Variants in PABPC1L observed in about 807,000 individuals in gnomAD.
PABPC1L encodes the protein polyadenylate-binding protein 1-like.
A neutral mutation model predicts 66.6 loss-of-function variants in PABPC1L; 31 were observed. That is an observed-to-expected ratio of 0.47 (90% CI 0.35 to 0.63). The LOEUF (loss-of-function observed/expected upper bound fraction) is 0.63, where lower values mean the gene tolerates loss of function less well. Among genes scored for constraint, PABPC1L ranks in the 20% least tolerant of loss-of-function variants. The pLI is 0.00. For synonymous variants in PABPC1L, 348 were observed against 335.1 expected (o/e 1.04, Z -0.42); for missense variants, 722 against 848.8 (o/e 0.85, Z 1.86).
Position 44,938,673 on chromosome 20 carries a change from G to C in PABPC1L, c.1792-1G>C. On this transcript the variant is annotated splice_acceptor_variant, in intron 13 of 14. Transcript: ENST00000217073. LOFTEE classifies it high-confidence loss of function. Reference sequence around the variant, plus strand: ...GCCCCCCCGCCACTCATGTCTCACAGATAGACGAGGCAGTGGCCGTGCTGC... The same window carrying C: ...GCCCCCCCGCCACTCATGTCTCACACATAGACGAGGCAGTGGCCGTGCTGC... The C allele has an allele frequency of 6.2e-7, 1 of 1,607,798 alleles. No individual in the cohort carries two copies. Among genetic ancestry groups the C allele is most frequent in the Non-Finnish European group, 8.5e-7 (1 of 1,177,282 alleles).
intron 11 of PABPC1L, 59 bp downstream of exon 11, chr20:44,935,556 C>T: frequency 6.8e-7 from 1 of 1,469,574 alleles, no homozygotes; most frequent in Non-Finnish European, 9.5e-7. Flanking sequence ...GGCTCAGAAC[C>T]TTAGCTAAGG....
chr20:44,912,889 G>C (rs200879148), intron 2 of PABPC1L, 36 bp downstream of exon 2: 2 of 1,552,194 alleles, frequency 1.3e-6, no homozygotes, highest in Non-Finnish European at 1.8e-6. Flanking sequence ...TGGGTAGATC[G>C]GTGTCAACTA....
In PABPC1L at chr20:44,912,856, A is replaced by G. The variant is rs1482235699; in HGVS notation, c.387+3A>G. The G allele has an allele frequency of 6.2e-7, 1 of 1,613,148 alleles. No homozygotes were observed. The highest frequency in any genetic ancestry group is 1.1e-5 in the South Asian group (1 of 91,002). Reference sequence around the variant, plus strand: ...TTGGGAACATCCTCTCTTGCAAGGTAGAGGATGAAGGGTGTACGTCTTTGG... The same window carrying G: ...TTGGGAACATCCTCTCTTGCAAGGTGGAGGATGAAGGGTGTACGTCTTTGG... On this transcript the variant is annotated splice_donor_region_variant and intron_variant, in intron 2 of 14. Transcript: ENST00000217073.
At chr20:44,927,911 G>A (rs1037257450) in intron 7 of PABPC1L, among the ~76,000 whole-genome samples, 2 of 151,460 alleles carry the variant, frequency 1.3e-5, no homozygotes, top group South Asian at 2.1e-4. Context: ...CAATTCTTCC[G>A]CCTCTGCTTC....
intron 7 of PABPC1L, among the ~76,000 whole-genome samples, chr20:44,929,681 TCTAC>T (rs2066836353): frequency 6.6e-6 from 1 of 151,384 alleles, no homozygotes; most frequent in Non-Finnish European, 1.5e-5. Flanking sequence ...TGTAGTCCCA[TCTAC>T]CCAGGAGGCT....
At chr20:44,922,475 A>G (rs556356408) in intron 6 of PABPC1L, among the ~76,000 whole-genome samples, 3 of 152,014 alleles carry the variant, frequency 2.0e-5, no homozygotes, top group African/African-American at 7.2e-5. Flanking sequence ...TGACCTTGTG[A>G]TCTGCCCGCC....
intron 8 of PABPC1L, among the ~76,000 whole-genome samples, chr20:44,930,992 A>G (rs1432000444): frequency 9.8e-6 from 1 of 101,574 alleles, no homozygotes; most frequent in African/African-American, 3.8e-5. Context: ...AGCAAGACCT[A>G]CATTTTTCCT....
chr20:44,930,408 C>G, intron 7 of PABPC1L, 52 bp from the exon 8 acceptor site: 1 of 1,575,706 alleles, frequency 6.3e-7, no homozygotes. Context: ...CAGCGCAGCC[C>G]CAGGAGCCTT....
chr20:44,916,889 A>G lies in PABPC1L; in HGVS notation c.503+18A>G. 1 of 1,610,776 alleles carries G rather than the reference A, an allele frequency of 6.2e-7. No individual in the cohort carries two copies. The highest frequency in any genetic ancestry group is 8.5e-7 in the Non-Finnish European group (1 of 1,177,192). ...CGCAAAGTGTGAGTGGCTGGGCCCG[A>G]GGGAGGGGCGGAGGCTGCAGGGACA... On this transcript the variant is annotated intron_variant, in intron 3 of 14. Coordinates refer to ENST00000217073, the MANE Select transcript of PABPC1L (RefSeq NM_001372179.1).
At chr20:44,921,510 TG>T in intron 5 of PABPC1L, 83 bp from the exon 6 acceptor site, 1 of 1,550,058 alleles carries the variant, frequency 6.5e-7, no homozygotes, top group South Asian at 1.2e-5. Flanking sequence ...GGTTTGCAGG[TG>T]GCCCCTCTAG....
chr20:44,923,863 C>T (rs1210547195), intron 6 of PABPC1L, among the ~76,000 whole-genome samples: 1 of 152,122 alleles, frequency 6.6e-6, no homozygotes, highest in African/African-American at 2.4e-5. Context: ...CAGCCTGCCA[C>T]GGGACCTGGG....
intron 2 of PABPC1L, 32 bp downstream of exon 2, chr20:44,912,885 G>T: frequency 6.4e-7 from 1 of 1,564,740 alleles, no homozygotes; most frequent in Non-Finnish European, 8.7e-7. Context: ...TCTTTGGGTA[G>T]ATCGGTGTCA....
chr20:44,935,556 C>A, intron 11 of PABPC1L, 59 bp downstream of exon 11: 2 of 1,469,572 alleles, frequency 1.4e-6, no homozygotes, highest in South Asian at 1.2e-5. Context: ...GGCTCAGAAC[C>A]TTAGCTAAGG....
rs767253932 is a variant in PABPC1L at position 44,921,604 on chromosome 20, A to G, written c.749A>G (p.His250Arg). Reference sequence around the variant, plus strand: ...TCCTCCTTTCCCCAGGCCGTGGTCCATATGAACGGGAAGGAGGTGAGCGGG... The same window carrying G: ...TCCTCCTTTCCCCAGGCCGTGGTCCGTATGAACGGGAAGGAGGTGAGCGGG... ...KHEEAQKAVV[H>R]MNGKEVSGRL... Residue 250 changes from histidine (H) to arginine (R), a missense_variant, in exon 6 of 15, where the codon CAT becomes CGT. This residue lies in a region of PABPC1L where 137 missense variants were observed against 216.8 expected (regional missense o/e 0.63). Coordinates refer to ENST00000217073, the MANE Select transcript of PABPC1L (RefSeq NM_001372179.1). The G allele has an allele frequency of 3.0e-5, 49 of 1,613,962 alleles. No homozygotes were observed. Among genetic ancestry groups the G allele is most frequent in the Admixed American group, 6.7e-5 (4 of 59,976 alleles).
intron 6 of PABPC1L, among the ~76,000 whole-genome samples, chr20:44,922,988 C>T (rs973338679): frequency 6.6e-6 from 1 of 152,218 alleles, no homozygotes; most frequent in Non-Finnish European, 1.5e-5. Flanking sequence ...TGTGTACATA[C>T]AGCGTGTCCA....
chr20:44,917,046 C>T (rs2066742815), intron 3 of PABPC1L, among the ~76,000 whole-genome samples, 175 bp downstream of exon 3: 2 of 152,200 alleles, frequency 1.3e-5, no homozygotes, highest in Admixed American at 6.5e-5. Context: ...GGGACTCTTT[C>T]CTCACATAAA....
chr20:44,936,573 GGTAA>G, intron 11 of PABPC1L, 60 bp from the exon 12 acceptor site: 1 of 1,364,192 alleles, frequency 7.3e-7, no homozygotes, highest in East Asian at 2.5e-5. Flanking sequence ...CACTTGCCAG[GGTAA>G]GTATTTTGAG....
Position 44,910,176 on chromosome 20 carries a change from C to T in PABPC1L, c.33C>T (p.Ala11=), listed in dbSNP as rs2066693576. Residue 11 remains alanine (A), a synonymous_variant, in exon 1 of 15, where the codon GCC becomes GCT. Coordinates refer to ENST00000217073, the MANE Select transcript of PABPC1L (RefSeq NM_001372179.1). ...CCAGCGGTTCTGGCTACCCGCTTGC[C>T]TCGCTTTACGTGGGCGATCTGCACC... MNASGSGYPL[A]SLYVGDLHPD... 2 of 1,578,276 alleles carry T rather than the reference C, an allele frequency of 1.3e-6. No homozygotes were observed. The highest frequency in any genetic ancestry group is 1.7e-4 in the Middle Eastern group (1 of 6,022).
chr20:44,910,913 G>A (rs1009356266), intron 1 of PABPC1L, among the ~76,000 whole-genome samples: 1 of 152,222 alleles, frequency 6.6e-6, no homozygotes, highest in Non-Finnish European at 1.5e-5. Flanking sequence ...CTTTCTCAGA[G>A]CTGATAGCAT....
Sources: gnomAD v4.1 joint callset for allele counts (sites outside exome capture counted in the v4.1 genomes callset) on GRCh38, gnomAD v4.1.1 for gene constraint, gnomAD v4.1.1 regional missense constraint, MANE v1.5 for transcripts, NCBI Gene and HGNC (gene_info 2026-07-23, HGNC 2026-07-21) for gene names.